The following EXOC4 variants were observed in gnomAD, a reference collection of about 807,000 sequenced individuals.
EXOC4 encodes the protein exocyst complex component 4.
A neutral mutation model predicts 107.2 loss-of-function variants in EXOC4; 71 were observed. The observed-to-expected ratio is 0.66, with a 90% CI of 0.55 to 0.81. The LOEUF (loss-of-function observed/expected upper bound fraction) is 0.81, where lower values mean the gene tolerates loss of function less well. Ranked by LOEUF, EXOC4 falls within the 30% of genes least tolerant of loss-of-function variation. The pLI, the probability that EXOC4 is intolerant of heterozygous loss-of-function variation, is 0.00. For synonymous variants in EXOC4, 456 were observed against 441.2 expected, an observed-to-expected ratio of 1.03 and a Z score of -0.42; for missense variants, 1,108 against 1,189.6, an observed-to-expected ratio of 0.93 and a Z score of 1.01.
intron 13 of EXOC4, among the ~76,000 whole-genome samples, chr7:133,932,686 A>G (rs1183269137): frequency 1.3e-5 from 2 of 152,210 alleles, no homozygotes; most frequent in Admixed American, 6.5e-5. Context: ...TTATGTACCC[A>G]TATCATTACC....
intron 10 of EXOC4, among the ~76,000 whole-genome samples, chr7:133,729,719 T>A (rs1795286408): frequency 6.6e-6 from 1 of 152,126 alleles, no homozygotes; most frequent in African/African-American, 2.4e-5. Flanking sequence ...GATTTTTCTT[T>A]TAGAGTATTT....
intron 11 of EXOC4, among the ~76,000 whole-genome samples, chr7:133,855,469 G>T (rs186956335): frequency 1.6e-3 from 250 of 152,074 alleles, no homozygotes; most frequent in African/African-American, 5.6e-3. Context: ...CAATTCTAAA[G>T]ATATCAGCAC....
intron 9 of EXOC4, among the ~76,000 whole-genome samples, chr7:133,487,433 G>A (rs975470593): frequency 5.1e-4 from 78 of 152,242 alleles, no homozygotes; most frequent in African/African-American, 1.7e-3. Flanking sequence ...TTATGGCTGC[G>A]CATGGTGGCT....
chr7:134,028,658 G>A (rs1203084833), intron 17 of EXOC4, among the ~76,000 whole-genome samples: 3 of 152,174 alleles, frequency 2.0e-5, no homozygotes. Context: ...CACCTAACTT[G>A]TTAAGTGCCA....
chr7:133,420,604 A>AGT (rs1797582578), intron 7 of EXOC4, among the ~76,000 whole-genome samples: 1 of 152,132 alleles, frequency 6.6e-6, no homozygotes, highest in East Asian at 1.9e-4. Context: ...GAAACACACA[A>AGT]AAGCGTGGAC....
At chr7:133,984,226 G>T (rs1332356539) in intron 14 of EXOC4, among the ~76,000 whole-genome samples, 1 of 152,204 alleles carries the variant, frequency 6.6e-6, no homozygotes, top group Admixed American at 6.5e-5. Context: ...GCTGTGCAGT[G>T]TGTAGTGTGT....
intron 10 of EXOC4, among the ~76,000 whole-genome samples, chr7:133,793,027 T>C (rs1796737902): frequency 6.6e-6 from 1 of 152,150 alleles, no homozygotes; most frequent in Non-Finnish European, 1.5e-5. Flanking sequence ...CCTTGGCTTT[T>C]TTTTGCCATT....
At chr7:133,721,134 G>A (rs1049137126) in intron 10 of EXOC4, among the ~76,000 whole-genome samples, 1 of 152,052 alleles carries the variant, frequency 6.6e-6, no homozygotes, top group Non-Finnish European at 1.5e-5. Flanking sequence ...CCTTGGTTTT[G>A]GGTGAAGATG....
intron 11 of EXOC4, among the ~76,000 whole-genome samples, chr7:133,870,974 C>A (rs575222621): frequency 6.6e-6 from 1 of 152,220 alleles, no homozygotes; most frequent in Admixed American, 6.5e-5. Flanking sequence ...GTCGTACTCA[C>A]ATTCGCTGTG....
intron 10 of EXOC4, among the ~76,000 whole-genome samples, chr7:133,758,509 A>G (rs558290670): frequency 6.6e-6 from 1 of 152,348 alleles, no homozygotes; most frequent in Admixed American, 6.5e-5. Context: ...AGGGACAGAA[A>G]GATGATTAAA....
intron 14 of EXOC4, among the ~76,000 whole-genome samples, chr7:133,985,205 G>GT (rs1397853741): frequency 6.6e-6 from 1 of 152,182 alleles, no homozygotes; most frequent in Non-Finnish European, 1.5e-5. Flanking sequence ...GGGGGAAGGT[G>GT]TAACACATGA....
intron 10 of EXOC4, among the ~76,000 whole-genome samples, chr7:133,677,509 A>C (rs967046570): frequency 1.3e-5 from 2 of 152,172 alleles, no homozygotes; most frequent in Admixed American, 6.5e-5. Flanking sequence ...AAAATTCCAT[A>C]GTTTCAGTTT....
At chr7:134,088,306 T>C in the EXOC4 span, among the ~76,000 whole-genome samples, 2 of 152,214 alleles carry the variant, frequency 1.3e-5, no homozygotes, top group African/African-American at 2.4e-5. Flanking sequence ...ATTGCACTTA[T>C]GCAAATAACT....
At chr7:133,817,743 T>TA (rs575813731) in intron 11 of EXOC4, among the ~76,000 whole-genome samples, 199 bp downstream of exon 11, 7,297 of 146,280 alleles carry the variant, frequency 0.05, 268 homozygotes, top group Non-Finnish European at 0.068. Context: ...TAAGGAAAAT[T>TA]AAAAAAAAAA....
chr7:133,903,336 T>C lies in EXOC4; in HGVS notation c.1871+7601T>C, dbSNP rs73156927. On this transcript the variant is annotated intron_variant, in intron 12 of 17. Coordinates refer to ENST00000253861, the MANE Select transcript of EXOC4 (RefSeq NM_021807.4). Reference sequence around the variant, plus strand: ...AAAATAGGCTTTAGGTAGTCAAGGATGGAAGCAGTGAGACCACCTAAAGGC... The same window carrying C: ...AAAATAGGCTTTAGGTAGTCAAGGACGGAAGCAGTGAGACCACCTAAAGGC... 4.9e-3 allele frequency among the ~76,000 whole-genome samples: 745 copies of C among 152,296 alleles called. 2 individuals are homozygous for C. The highest frequency in any genetic ancestry group is 7.9e-3 in the Non-Finnish European group (539 of 68,022).
chr7:133,786,549 G>T (rs780680712), intron 10 of EXOC4, among the ~76,000 whole-genome samples: 2 of 152,218 alleles, frequency 1.3e-5, no homozygotes, highest in African/African-American at 4.8e-5. Flanking sequence ...TTCCAGACCA[G>T]CATCTGTTCC....
chr7:133,717,070 T>TA (rs1795012464), intron 10 of EXOC4, among the ~76,000 whole-genome samples: 2 of 152,354 alleles, frequency 1.3e-5, no homozygotes, highest in South Asian at 4.1e-4. Flanking sequence ...CTTTCATAGT[T>TA]ACATTTTTTA....
intron 10 of EXOC4, chr7:133,727,833 T>C (rs938973951): frequency 1.3e-5 from 2 of 152,224 alleles, no homozygotes; most frequent in Non-Finnish European, 2.9e-5. Flanking sequence ...CCCATTTTTA[T>C]TCGTTTTTAT....
At chr7:133,278,898 C>T (rs1209865698) in intron 2 of EXOC4, among the ~76,000 whole-genome samples, 1 of 151,924 alleles carries the variant, frequency 6.6e-6, no homozygotes, top group Non-Finnish European at 1.5e-5. Flanking sequence ...ATACATGTGC[C>T]ATGTTGGTGT....
Sources: gnomAD v4.1 joint callset for allele counts (sites outside exome capture counted in the v4.1 genomes callset) on GRCh38, gnomAD v4.1.1 for gene constraint, MANE v1.5 for transcripts, NCBI Gene and HGNC (gene_info 2026-07-23, HGNC 2026-07-21) for gene names.